Variants in TDRD6 observed in about 807,000 individuals in gnomAD.
TDRD6 encodes tudor domain-containing protein 6.
TDRD6 carries 186 observed loss-of-function variants against 157.5 expected under a neutral mutation model. The ratio of observed to expected loss-of-function variants is 1.18; its 90% CI spans 1.05 to 1.33. TDRD6 has a LOEUF of 1.33. TDRD6 is among the 40% of genes most tolerant of loss of function. TDRD6 has a pLI of 0.00. For synonymous variants in TDRD6, 1,075 were observed against 945.2 expected (o/e 1.14, Z -2.52); for missense variants, 3,066 against 2,508.0 (o/e 1.22, Z -4.75).
the TDRD6 span, among the ~76,000 whole-genome samples, chr6:46,680,681 C>G: frequency 6.6e-6 from 1 of 152,172 alleles, no homozygotes; most frequent in Middle Eastern, 3.2e-3. Flanking sequence ...CCAAGACCCT[C>G]TCAACCTGAC....
At chr6:46,687,828 G>C, upstream of TDRD6, 1 of 347,528 alleles carries the variant, frequency 2.9e-6, no homozygotes, top group Non-Finnish European at 5.2e-6. Context: ...CCCAGGCCTC[G>C]GCTGGCCCCG....
In TDRD6 at chr6:46,689,412, GATTA is replaced by G. The variant is rs1231511112; in HGVS notation, c.1287_1290del (p.Asn430Ter). On this transcript the variant is annotated frameshift_variant, in exon 1 of 4. Transcript: ENST00000316081. LOFTEE classifies it high-confidence loss of function. ...ATGTCAGCCTGTATGGAGAAGATGG[GATTA>G]ATCTGAACCGTGTGTTTGGAGTACA... 2 of 1,613,464 alleles carry G rather than the reference GATTA, an allele frequency of 1.2e-6. No homozygotes were observed. Among genetic ancestry groups the G allele is most frequent in the Admixed American group, 1.7e-5 (1 of 60,002 alleles).
At chr6:46,682,025 A>T in the TDRD6 span, among the ~76,000 whole-genome samples, 4 of 152,254 alleles carry the variant, frequency 2.6e-5, no homozygotes, top group African/African-American at 9.6e-5. Context: ...TGAGCTCTAC[A>T]CTTTAAAATG....
At chr6:46,687,766 G>C, upstream of TDRD6, 1 of 214,754 alleles carries the variant, frequency 4.7e-6, no homozygotes. Flanking sequence ...CCCACCTCGG[G>C]GTCTCCTGAA....
At chr6:46,685,088 C>T (rs138626128), upstream of TDRD6, among the ~76,000 whole-genome samples, 4 of 151,374 alleles carry the variant, frequency 2.6e-5, no homozygotes, top group Admixed American at 2.0e-4. Context: ...TCTGTACATC[C>T]TCCTCCGTGA....
the TDRD6 span, among the ~76,000 whole-genome samples, chr6:46,681,809 G>T: frequency 6.6e-6 from 1 of 152,130 alleles, no homozygotes; most frequent in Non-Finnish European, 1.5e-5. Flanking sequence ...ACATTATGCT[G>T]AGTGAAATAA....
Position 46,688,858 on chromosome 6 carries a change from C to A in TDRD6, c.730C>A (p.Pro244Thr). The A allele has an allele frequency of 6.2e-7, 1 of 1,610,764 alleles. No homozygotes were observed. The highest frequency in any genetic ancestry group is 8.5e-7 in the Non-Finnish European group (1 of 1,178,154). Residue 244 changes from proline (P) to threonine (T), a missense_variant, in exon 1 of 4, where the codon CCC (proline) becomes ACC (threonine). By Grantham distance (38) the Pro-to-Thr change is conservative (BLOSUM62 -1). Coordinates refer to ENST00000316081, the MANE Select transcript of TDRD6 (RefSeq NM_001010870.3). ...GCAGCCTGGTCTGGATTACTTCTAT[C>A]CCCAGCTGCAGCTGGGCGTGACGGA... Reference protein sequence around the residue: ...QKQPGLDYFYPQLQLGVTEAV... With the variant: ...QKQPGLDYFYTQLQLGVTEAV...
In TDRD6 at chr6:46,690,213, T is replaced by C; in HGVS notation, c.2085T>C (p.Ser695=). 6.2e-7 allele frequency: 1 copy of C among 1,613,644 alleles called. No homozygotes were observed. The highest frequency in any genetic ancestry group is 8.5e-7 in the Non-Finnish European group (1 of 1,179,980). ...TTTCAAACCACTTTACTACGGAGAG[T>C]AACAAAATACCTTTTGCCAAGACTG... ...GHVSNHFTTE[S]NKIPFAKTGE... The change falls in exon 1 of 4, where the codon AGT becomes AGC. Residue 695 remains serine (S), a synonymous_variant. Transcript: ENST00000316081.
chr6:46,700,266 G>A (rs1047452112), intron 3 of TDRD6, among the ~76,000 whole-genome samples: 2 of 152,108 alleles, frequency 1.3e-5, no homozygotes, highest in Non-Finnish European at 2.9e-5. Context: ...GCTTTGACTA[G>A]GCCAGTTAGC....
At position 46,693,421 on chromosome 6, in the gene TDRD6, C is replaced by G; in HGVS notation, c.5293C>G (p.Pro1765Ala). ...EKDVNIIGTKPSNFRDPKTDN... is the reference protein window; with the variant it reads ...EKDVNIIGTKASNFRDPKTDN... ...AGATGTAAACATTATTGGAACCAAA[C>G]CAAGTAACTTCCGTGACCCTAAAAC... The change falls in exon 1 of 4, where the codon CCA (proline) becomes GCA (alanine). Residue 1765 changes from proline to alanine, a missense_variant. Coordinates refer to ENST00000316081, the MANE Select transcript of TDRD6 (RefSeq NM_001010870.3). The G allele has an allele frequency of 6.2e-7, 1 of 1,613,994 alleles. No homozygotes were observed. The highest frequency in any genetic ancestry group is 8.5e-7 in the Non-Finnish European group (1 of 1,179,990).
In TDRD6 at chr6:46,688,859, C is replaced by G; in HGVS notation, c.731C>G (p.Pro244Arg). ...QKQPGLDYFYPQLQLGVTEAV... is the reference protein window; with the variant it reads ...QKQPGLDYFYRQLQLGVTEAV... ...CAGCCTGGTCTGGATTACTTCTATC[C>G]CCAGCTGCAGCTGGGCGTGACGGAG... Residue 244 changes from proline to arginine, a missense_variant, in exon 1 of 4, where the codon CCC becomes CGC. Physicochemically the swap from Pro to Arg is moderately radical, Grantham distance 103. Coordinates refer to ENST00000316081, the MANE Select transcript of TDRD6 (RefSeq NM_001010870.3). 6.2e-7 allele frequency: 1 copy of G among 1,610,668 alleles called. No individual in the cohort carries two copies. The highest frequency in any genetic ancestry group is 1.1e-5 in the South Asian group (1 of 90,876).
At position 46,689,919 on chromosome 6, in the gene TDRD6, T is replaced by A. The variant is rs762938885; in HGVS notation, c.1791T>A (p.Ala597=). ...LPQFRQLPIL[A]VKCTLADIWP... ...AGTTTAGGCAGCTACCAATATTGGC[T>A]GTGAAGTGCACCCTGGCTGATATTT... Residue 597 remains alanine, a synonymous_variant, in exon 1 of 4, where the codon GCT becomes GCA. Coordinates refer to ENST00000316081, the MANE Select transcript of TDRD6 (RefSeq NM_001010870.3). 6.2e-7 allele frequency: 1 copy of A among 1,614,196 alleles called. No homozygotes were observed. The highest frequency in any genetic ancestry group is 1.1e-5 in the South Asian group (1 of 91,072).
chr6:46,688,490 A>T lies in TDRD6; in HGVS notation c.362A>T (p.Asn121Ile). 6.4e-7 allele frequency: 1 copy of T among 1,555,534 alleles called. No individual in the cohort carries two copies. Among genetic ancestry groups the T allele is most frequent in the South Asian group, 1.2e-5 (1 of 86,156 alleles). The change falls in exon 1 of 4, where the codon AAT (asparagine) becomes ATT (isoleucine). Residue 121 changes from asparagine (N) to isoleucine (I), a missense_variant. Transcript: ENST00000316081. ...GCGCCTGGGCGCAGAGAGTTCTTCAATTTGCCCTCGGAAGTGCTGGGCTGC... is the reference window on the plus strand; with the variant it reads ...GCGCCTGGGCGCAGAGAGTTCTTCATTTTGCCCTCGGAAGTGCTGGGCTGC... ...SLAPGRREFF[N>I]LPSEVLGCVL...
In TDRD6 at chr6:46,690,120, A is replaced by T; in HGVS notation, c.1992A>T (p.Gly664=). The T allele has an allele frequency of 5.6e-6, 9 of 1,613,724 alleles. No homozygotes were observed. Among genetic ancestry groups the T allele is most frequent in the Non-Finnish European group, 7.6e-6 (9 of 1,179,916 alleles). Residue 664 remains glycine (G), a synonymous_variant, in exon 1 of 4, where the codon GGA becomes GGT. Coordinates refer to ENST00000316081, the MANE Select transcript of TDRD6 (RefSeq NM_001010870.3). The stretch of plus-strand genomic sequence containing the variant: ...TTAGTAAGGTAATTGCCCAAGCTGG[A>T]TATGCCAAGTATCAGGAATTTGAAA... ...ENISKVIAQA[G]YAKYQEFETK...
chr6:46,691,345 G>GT lies in TDRD6; in HGVS notation c.3218dup (p.Thr1074AsnfsTer3). On this transcript the variant is annotated frameshift_variant, in exon 1 of 4. Coordinates refer to ENST00000316081, the MANE Select transcript of TDRD6 (RefSeq NM_001010870.3). LOFTEE classifies it high-confidence loss of function. ...TGTTGATTTTGGGAATATTTATGTA[G>GT]TAACAAGTGATGATCTGCTTCCAAT... is the stretch of plus-strand genomic sequence containing the variant. 1 of 1,614,042 alleles carries GT rather than the reference G, an allele frequency of 6.2e-7. No homozygotes were observed. The highest frequency in any genetic ancestry group is 8.5e-7 in the Non-Finnish European group (1 of 1,179,940).
In TDRD6 at chr6:46,689,757, C is replaced by G; in HGVS notation, c.1629C>G (p.Cys543Trp). The change falls in exon 1 of 4, where the codon TGC becomes TGG. Residue 543 changes from cysteine (C) to tryptophan (W), a missense_variant. Physicochemically the swap from Cys to Trp is radical, Grantham distance 215 (BLOSUM62 -2). Transcript: ENST00000316081. ...TGAAACCTGAACCTGATGACCTTTG[C>G]TGTGTCAAGTGGAAAGAAAATGGTT... ...VVLKPEPDDL[C>W]CVKWKENGYY... 6.2e-7 allele frequency: 1 copy of G among 1,614,170 alleles called. No homozygotes were observed. The highest frequency in any genetic ancestry group is 8.5e-7 in the Non-Finnish European group (1 of 1,180,036).
chr6:46,694,364 A>G (rs1039465868), intron 1 of TDRD6, among the ~76,000 whole-genome samples, 190 bp downstream of exon 1: 1 of 151,738 alleles, frequency 6.6e-6, no homozygotes, highest in Admixed American at 6.6e-5. Flanking sequence ...CACCACACCC[A>G]GCTTATTTTT....
chr6:46,686,835 T>C (rs1339212744), upstream of TDRD6, among the ~76,000 whole-genome samples: 1 of 152,216 alleles, frequency 6.6e-6, no homozygotes, highest in East Asian at 1.9e-4. Context: ...TGCCACACAA[T>C]GTGAAAAGTG....
Position 46,690,287 on chromosome 6 carries a change from CA to C in TDRD6, c.2163del (p.Ala722LeufsTer2). On this transcript the variant is annotated frameshift_variant, in exon 1 of 4. Transcript: ENST00000316081. LOFTEE classifies it high-confidence loss of function. ...AKRENKTTSVSKALSDTTVVT... is the reference protein window; with the variant it reads ...AKRENKTTSVXKALSDTTVVT... ...AGAGAGAATAAAACCACATCTGTTT[CA>C]AAAGCTTTGAGTGACACAACAGTTG... The C allele has an allele frequency of 6.2e-7, 1 of 1,613,528 alleles. No individual in the cohort carries two copies. The highest frequency in any genetic ancestry group is 2.2e-5 in the East Asian group (1 of 44,880).
Sources: allele counts gnomAD v4.1 joint callset (sites outside exome capture counted in the v4.1 genomes callset), GRCh38; gene constraint gnomAD v4.1.1; transcripts MANE v1.5; gene names NCBI Gene and HGNC (gene_info 2026-07-23, HGNC 2026-07-21).